The following UBOX5 variants were observed in gnomAD, a reference collection of about 807,000 sequenced individuals.
UBOX5 encodes RING finger protein 37.
A neutral mutation model predicts 39.0 loss-of-function variants in UBOX5; 28 were observed. The ratio of observed to expected loss-of-function variants is 0.72; its 90% CI spans 0.53 to 0.98. The LOEUF (loss-of-function observed/expected upper bound fraction) is 0.98, where lower values mean the gene tolerates loss of function less well. Among genes scored for constraint, UBOX5 ranks in the 50% least tolerant of loss-of-function variants. The pLI is 0.00. For missense variants in UBOX5, 585 were observed against 674.4 expected, an observed-to-expected ratio of 0.87 and a Z score of 1.47; for synonymous variants, 283 against 275.5, an observed-to-expected ratio of 1.03 and a Z score of -0.27.
chr20:3,146,891 C>T (rs753590808), intron 1 of UBOX5: 4 of 1,614,032 alleles, frequency 2.5e-6, no homozygotes, highest in East Asian at 2.2e-5. Flanking sequence ...GTAGCCAAGC[C>T]GAGCCAGCTG....
At position 3,122,300 on chromosome 20, in the gene UBOX5, C is replaced by G; in HGVS notation, c.339G>C (p.Glu113Asp). The change falls in exon 3 of 5, where the codon GAG (glutamate) becomes GAC (aspartate). Residue 113 changes from glutamate to aspartate, a missense_variant. By Grantham distance (45) the Glu-to-Asp change is conservative. Transcript: ENST00000217173. ...AGACTTTGCCTACCAAGGTGAACGCCTCCTTGTCTGGGACAGATGGCTCAG... is the reference window on the plus strand; with the variant it reads ...AGACTTTGCCTACCAAGGTGAACGCGTCCTTGTCTGGGACAGATGGCTCAG... ...GPAEPSVPDK[E>D]AFTLVGKVLL... The G allele has an allele frequency of 6.2e-7, 1 of 1,614,204 alleles. No homozygotes were observed. Among genetic ancestry groups the G allele is most frequent in the South Asian group, 1.1e-5 (1 of 91,080 alleles).
At chr20:3,136,800 C>T (rs1368056834) in intron 1 of UBOX5, among the ~76,000 whole-genome samples, 2 of 152,028 alleles carry the variant, frequency 1.3e-5, no homozygotes, top group South Asian at 2.1e-4. Context: ...GGACTATAGG[C>T]GCCTGGCACC....
intron 1 of UBOX5, among the ~76,000 whole-genome samples, chr20:3,133,761 G>GC (rs922238899): frequency 6.6e-6 from 1 of 150,602 alleles, no homozygotes; most frequent in Non-Finnish European, 1.5e-5. Context: ...TTTTTTGGGG[G>GC]GGGGAAACAG....
At chr20:3,123,743 G>A (rs1190428610) in intron 1 of UBOX5, among the ~76,000 whole-genome samples, 1 of 152,224 alleles carries the variant, frequency 6.6e-6, no homozygotes, top group South Asian at 2.1e-4. Flanking sequence ...TCTGAGCTCA[G>A]AGAAAGGACA....
chr20:3,139,361 G>A (rs1311899850), intron 1 of UBOX5, among the ~76,000 whole-genome samples: 2 of 151,948 alleles, frequency 1.3e-5, no homozygotes, highest in African/African-American at 2.4e-5. Flanking sequence ...AGTAGACTCA[G>A]TTTTTCCTCT....
intron 1 of UBOX5, among the ~76,000 whole-genome samples, chr20:3,141,723 T>C (rs947259084): frequency 2.6e-5 from 4 of 151,644 alleles, no homozygotes; most frequent in Non-Finnish European, 4.4e-5. Flanking sequence ...ATAGTTAACA[T>C]CATACTCAGC....
In UBOX5 at chr20:3,115,289, G is replaced by A; in HGVS notation, c.1417+16C>T. ...CCCATTCCAAGGCTCCAAGGAGATG[G>A]CGGGGCCCATGTTACCCGAGCCGGT... is the stretch of plus-strand genomic sequence containing the variant. On this transcript the variant is annotated intron_variant, in intron 4 of 4. Transcript: ENST00000217173. 6.2e-7 allele frequency: 1 copy of A among 1,605,230 alleles called. No individual in the cohort carries two copies. Among genetic ancestry groups the A allele is most frequent in the Non-Finnish European group, 8.5e-7 (1 of 1,176,106 alleles).
intron 1 of UBOX5, among the ~76,000 whole-genome samples, chr20:3,125,539 T>G (rs1362882478): frequency 7.5e-6 from 1 of 133,430 alleles, no homozygotes; most frequent in Non-Finnish European, 1.6e-5. Context: ...ACCCATCGTC[T>G]GGGAGGTGAG....
chr20:3,134,788 C>T (rs959652382), intron 1 of UBOX5, among the ~76,000 whole-genome samples: 6 of 151,868 alleles, frequency 4.0e-5, no homozygotes, highest in Non-Finnish European at 8.8e-5. Context: ...TCACTTGAAC[C>T]CGGGAGGTGG....
chr20:3,159,313 C>T (rs1376614937), intron 1 of UBOX5, among the ~76,000 whole-genome samples: 2 of 152,178 alleles, frequency 1.3e-5, no homozygotes, highest in African/African-American at 4.8e-5. Context: ...AGTGTGTGGT[C>T]TGCGTGCCAG....
intron 1 of UBOX5, among the ~76,000 whole-genome samples, chr20:3,127,036 CAAAAAAAAAAAAAAAA>C (rs10579307): frequency 1.5e-5 from 1 of 66,154 alleles, no homozygotes; most frequent in Non-Finnish European, 2.7e-5. Flanking sequence ...AACTCCGTCT[CAAAAAAAAAAAAAAAA>C]AAAAAAAAAA....
intron 1 of UBOX5, chr20:3,148,152 G>A: frequency 1.2e-6 from 2 of 1,613,746 alleles, no homozygotes; most frequent in Non-Finnish European, 1.7e-6. Context: ...ATATATTTAA[G>A]GATCAATGAT....
At chr20:3,144,730 T>C (rs917798514) in intron 1 of UBOX5, among the ~76,000 whole-genome samples, 9 of 152,222 alleles carry the variant, frequency 5.9e-5, no homozygotes, top group Non-Finnish European at 4.4e-5. Context: ...ATGTTACTTA[T>C]ATATATACAA....
At position 3,115,407 on chromosome 20, in the gene UBOX5, G is replaced by A; in HGVS notation, c.1315C>T (p.Leu439Phe). Residue 439 changes from leucine (L) to phenylalanine (F), a missense_variant, in exon 4 of 5, where the codon CTT (leucine) becomes TTT (phenylalanine). Leu to Phe is a conservative substitution (Grantham distance 22, BLOSUM62 0). Coordinates refer to ENST00000217173, the MANE Select transcript of UBOX5 (RefSeq NM_014948.4). Reference sequence around the variant, plus strand: ...GCCGTGAAGGAGGGCATAGAGCCAAGGGTGGATGCCAAGGCAATTTCCAAG... The same window carrying A: ...GCCGTGAAGGAGGGCATAGAGCCAAAGGTGGATGCCAAGGCAATTTCCAAG... Reference protein sequence around the residue: ...QSLEIALASTLGSMPSFTARL... With the variant: ...QSLEIALASTFGSMPSFTARL... 6.2e-7 allele frequency: 1 copy of A among 1,614,172 alleles called. No homozygotes were observed. Among genetic ancestry groups the A allele is most frequent in the Non-Finnish European group, 8.5e-7 (1 of 1,180,002 alleles).
intron 1 of UBOX5, among the ~76,000 whole-genome samples, chr20:3,138,274 CAA>C (rs60424679): frequency 2.6e-4 from 28 of 105,972 alleles, no homozygotes; most frequent in East Asian, 1.2e-3. Context: ...GAGACTGTCT[CAA>C]AAAAAAAAAA....
rs1039410367 is a variant in UBOX5, at chr20:3,110,558, G to A, written c.1418-244C>T. 5 of 535,406 alleles carry A rather than the reference G, an allele frequency of 9.3e-6. No homozygotes were observed. In the African/African-American group the frequency reaches 9.5e-5, roughly 10 times the overall value. 33.2% of individuals were successfully genotyped at this position (535,406 alleles called of 1,614,324 possible). On this transcript the variant is annotated intron_variant, in intron 4 of 4. Coordinates refer to ENST00000217173, the MANE Select transcript of UBOX5 (RefSeq NM_014948.4). ...CTCTACGAATGCTTGAGAAGAGCTG[G>A]CTTCTGAGGGCAGCAGGCAGGACTG... is the stretch of plus-strand genomic sequence containing the variant.
At chr20:3,135,655 A>T (rs2066464463) in intron 1 of UBOX5, among the ~76,000 whole-genome samples, 1 of 152,040 alleles carries the variant, frequency 6.6e-6, no homozygotes, top group Non-Finnish European at 1.5e-5. Context: ...GTCAGCATGC[A>T]CCACATACAA....
rs895158130 is a variant in UBOX5 at position 3,149,974 on chromosome 20, G to A, written c.-42+9792C>T. The stretch of plus-strand genomic sequence containing the variant: ...GCAGAGGTTGCGGTGAGCCAAGACC[G>A]TGCCACTGCACTCCAGCCTAGGCGA... On this transcript the variant is annotated intron_variant, in intron 1 of 4. Transcript: ENST00000217173. The surrounding 1 kb of genome is among the most constrained non-coding windows in gnomAD (Gnocchi z 4.1). Among the ~76,000 whole-genome samples the A allele has an allele frequency of 2.0e-5, 3 of 150,486 alleles. No individual in the cohort carries two copies. The highest frequency in any genetic ancestry group is 2.1e-4 in the South Asian group (1 of 4,770).
intron 1 of UBOX5, among the ~76,000 whole-genome samples, chr20:3,138,978 A>G (rs1023538246): frequency 1.3e-5 from 2 of 152,140 alleles, no homozygotes; most frequent in African/African-American, 4.8e-5. Context: ...CAGGTTACAG[A>G]AGGGAAAAAA....
Sources: gnomAD v4.1 joint callset for allele counts (sites outside exome capture counted in the v4.1 genomes callset) on GRCh38, gnomAD v4.1.1 for gene constraint, Gnocchi (gnomAD v3.1) non-coding constraint, MANE v1.5 for transcripts, NCBI Gene and HGNC (gene_info 2026-07-23, HGNC 2026-07-21) for gene names.